Variants in NCAM2 observed in about 807,000 individuals in gnomAD.
NCAM2 encodes the protein N-CAM-2.
In NCAM2, 30 loss-of-function variants were observed where a neutral mutation model predicts 98.1. The observed-to-expected ratio is 0.31, with a 90% CI of 0.23 to 0.41. The LOEUF is 0.41. NCAM2 is among the 10% of genes least tolerant of loss of function. NCAM2 has a pLI of 1.00. For missense variants in NCAM2, 867 were observed against 1,005.8 expected (o/e 0.86, Z 1.87); for synonymous variants, 368 against 342.4 (o/e 1.07, Z -0.83).
intron 1 of NCAM2, among the ~76,000 whole-genome samples, chr21:21,017,512 G>T (rs539426869): frequency 6.8e-6 from 1 of 147,516 alleles, no homozygotes; most frequent in East Asian, 2.1e-4. Context: ...GTGGTGATTT[G>T]AAATGGACCG....
chr21:21,274,166 A>G (rs1255023281), intron 1 of NCAM2, among the ~76,000 whole-genome samples: 4 of 127,244 alleles, frequency 3.1e-5, no homozygotes, highest in Non-Finnish European at 6.3e-5. Flanking sequence ...ACTCTGTCTG[A>G]AAAAAAAAAA....
At chr21:21,524,696 A>T (rs990064641) in intron 16 of NCAM2, among the ~76,000 whole-genome samples, 43 of 152,332 alleles carry the variant, frequency 2.8e-4, no homozygotes, top group African/African-American at 9.4e-4. Flanking sequence ...AATTAATCCA[A>T]TAACAGCAGA....
At chr21:21,130,069 T>A (rs2066903903) in intron 1 of NCAM2, among the ~76,000 whole-genome samples, 1 of 152,120 alleles carries the variant, frequency 6.6e-6, no homozygotes, top group Admixed American at 6.6e-5. Context: ...AATAGTGTTG[T>A]CAGTTAAATT....
Position 21,269,050 on chromosome 21 carries a change from C to A in NCAM2, c.56-11528C>A, listed in dbSNP as rs543031787. On this transcript the variant is annotated intron_variant, in intron 1 of 17. Coordinates refer to ENST00000400546, the MANE Select transcript of NCAM2 (RefSeq NM_004540.5). ...GATTCTGAGATGCCTGAAATACTTG[C>A]ATTGAAAAAACTTAAACAAAAGGTT... Among the ~76,000 whole-genome samples, 3 of 152,226 alleles carry A rather than the reference C, an allele frequency of 2.0e-5. No homozygotes were observed. In the South Asian group the frequency reaches 6.2e-4, roughly 32 times the overall value.
chr21:21,473,371 T>TG (rs1325972235), intron 14 of NCAM2, among the ~76,000 whole-genome samples: 1 of 101,790 alleles, frequency 9.8e-6, no homozygotes, highest in African/African-American at 4.5e-5. Context: ...AATATATGTA[T>TG]AAATATATAT....
intron 1 of NCAM2, among the ~76,000 whole-genome samples, chr21:21,032,998 G>A (rs1266023063): frequency 1.3e-5 from 2 of 150,364 alleles, no homozygotes; most frequent in Non-Finnish European, 1.5e-5. Flanking sequence ...AGGCTGGAGT[G>A]CAATGGTATG....
chr21:21,141,147 A>G (rs1255894009), intron 1 of NCAM2, among the ~76,000 whole-genome samples: 2 of 152,218 alleles, frequency 1.3e-5, no homozygotes, highest in Non-Finnish European at 1.5e-5. Context: ...CATAATTTCA[A>G]AACGTATAAC....
chr21:21,037,926 T>A (rs188007626), intron 1 of NCAM2, among the ~76,000 whole-genome samples: 102 of 152,358 alleles, frequency 6.7e-4, no homozygotes, highest in African/African-American at 2.4e-3. Flanking sequence ...GAATTCCCAT[T>A]TTAAGGATAT....
chr21:21,270,500 C>G (rs2072452102), intron 1 of NCAM2, among the ~76,000 whole-genome samples: 1 of 152,088 alleles, frequency 6.6e-6, no homozygotes, highest in Admixed American at 6.6e-5. Context: ...GTTTTTGAAT[C>G]TTAACGTAAT....
chr21:21,288,852 A>G (rs1210801540), intron 4 of NCAM2, among the ~76,000 whole-genome samples: 2 of 151,970 alleles, frequency 1.3e-5, no homozygotes, highest in African/African-American at 2.4e-5. Context: ...AAGCTTGGAA[A>G]TGCTCATCTT....
At chr21:21,481,269 TAGA>T (rs985352291) in intron 15 of NCAM2, among the ~76,000 whole-genome samples, 2 of 152,272 alleles carry the variant, frequency 1.3e-5, no homozygotes, top group African/African-American at 4.8e-5. Flanking sequence ...CATATTATAC[TAGA>T]AGAAGAAACC....
chr21:21,274,090 C>T (rs1043738301), intron 1 of NCAM2, among the ~76,000 whole-genome samples: 2 of 151,272 alleles, frequency 1.3e-5, no homozygotes, highest in African/African-American at 4.9e-5. Flanking sequence ...CACTTGAAGC[C>T]CGGAAGCTGA....
chr21:21,310,357 G>C (rs796722763), intron 5 of NCAM2, among the ~76,000 whole-genome samples: 12 of 152,204 alleles, frequency 7.9e-5, no homozygotes, highest in African/African-American at 2.6e-4. Flanking sequence ...TATACAACCA[G>C]TGCAATCTGA....
At chr21:21,194,516 A>G (rs1427595915) in intron 1 of NCAM2, among the ~76,000 whole-genome samples, 2 of 152,160 alleles carry the variant, frequency 1.3e-5, no homozygotes, top group Non-Finnish European at 2.9e-5. Flanking sequence ...GGGCAAACAC[A>G]TTATTATCCT....
chr21:21,298,068 G>T (rs2073557809), intron 5 of NCAM2, among the ~76,000 whole-genome samples: 1 of 151,662 alleles, frequency 6.6e-6, no homozygotes, highest in Non-Finnish European at 1.5e-5. Flanking sequence ...AGTGCACTTT[G>T]TTATCTCAGT....
chr21:21,257,373 A>G (rs145851965), intron 1 of NCAM2, among the ~76,000 whole-genome samples: 1 of 152,290 alleles, frequency 6.6e-6, no homozygotes, highest in African/African-American at 2.4e-5. Flanking sequence ...TGAATGGAAG[A>G]CAAAAGCTTC....
At chr21:21,024,082 A>G (rs544385560) in intron 1 of NCAM2, among the ~76,000 whole-genome samples, 48 of 152,344 alleles carry the variant, frequency 3.2e-4, no homozygotes, top group Admixed American at 4.6e-4. Flanking sequence ...TTCCCAAAGC[A>G]ATAATACAAA....
chr21:21,053,984 T>C lies in NCAM2; in HGVS notation c.55+55366T>C, dbSNP rs577836409. ...CTCTACATCTTTATATAATTTGGTA[T>C]GTGTTATGATTTCCGTGTAAGTTTG... On this transcript the variant is annotated intron_variant, in intron 1 of 17. Transcript: ENST00000400546. Among the ~76,000 whole-genome samples, 13 of 151,914 alleles carry C rather than the reference T, an allele frequency of 8.6e-5. No homozygotes were observed. In the South Asian group the frequency reaches 2.3e-3, roughly 27 times the overall value.
intron 1 of NCAM2, among the ~76,000 whole-genome samples, chr21:21,263,514 A>C (rs7279235): frequency 0.025 from 3,874 of 152,192 alleles, 63 homozygotes; most frequent in Non-Finnish European, 0.035. Flanking sequence ...TAAAAATCTA[A>C]AATTCATAAT....
Sources: allele counts gnomAD v4.1 joint callset (sites outside exome capture counted in the v4.1 genomes callset), GRCh38; gene constraint gnomAD v4.1.1; transcripts MANE v1.5; gene names NCBI Gene and HGNC (gene_info 2026-07-23, HGNC 2026-07-21).